Variants in TENM2 observed in about 807,000 individuals in gnomAD.
TENM2 encodes teneurin transmembrane protein 2.
TENM2 carries 52 observed loss-of-function variants against 245.2 expected under a neutral mutation model. The observed-to-expected ratio is 0.21, with a 90% CI of 0.17 to 0.27. The LOEUF (loss-of-function observed/expected upper bound fraction) is 0.27, where lower values mean the gene tolerates loss of function less well. TENM2 is among the 10% of genes least tolerant of loss of function. TENM2 has a pLI of 1.00. For missense variants in TENM2, 3,046 were observed against 3,666.8 expected (o/e 0.83, Z 4.37); for synonymous variants, 1,363 against 1,438.9 (o/e 0.95, Z 1.19).
chr5:167,983,446 T>G (rs1163438522), intron 4 of TENM2, among the ~76,000 whole-genome samples: 1 of 152,194 alleles, frequency 6.6e-6, no homozygotes, highest in Non-Finnish European at 1.5e-5. Flanking sequence ...CTGTGAATAT[T>G]TTTGGTACGG....
At chr5:168,086,633 A>G (rs1466316784) in intron 7 of TENM2, among the ~76,000 whole-genome samples, 2 of 152,186 alleles carry the variant, frequency 1.3e-5, no homozygotes, top group African/African-American at 2.4e-5. Context: ...GGATTTGGTC[A>G]TGTGCCTCCT....
At chr5:167,079,382 C>T in the TENM2 span, among the ~76,000 whole-genome samples, 6 of 150,244 alleles carry the variant, frequency 4.0e-5, no homozygotes, top group African/African-American at 1.5e-4. Flanking sequence ...GGTGTGATCT[C>T]AGCTCACTGC....
At chr5:167,945,319 C>T (rs1779522100) in intron 3 of TENM2, among the ~76,000 whole-genome samples, 1 of 149,056 alleles carries the variant, frequency 6.7e-6, no homozygotes, top group African/African-American at 2.5e-5. Flanking sequence ...AAATCAAGCA[C>T]CCGGGGGGGG....
intron 2 of TENM2, among the ~76,000 whole-genome samples, chr5:167,814,811 AAAAGT>A (rs1366862374): frequency 6.6e-6 from 1 of 152,120 alleles, no homozygotes; most frequent in Non-Finnish European, 1.5e-5. Context: ...GTTGCAGAAA[AAAAGT>A]AAAGGAAAGA....
At chr5:167,100,395 T>C in the TENM2 span, among the ~76,000 whole-genome samples, 1 of 152,102 alleles carries the variant, frequency 6.6e-6, no homozygotes, top group African/African-American at 2.4e-5. Flanking sequence ...CACCCGGCGC[T>C]CACTGGCCGC....
intron 5 of TENM2, among the ~76,000 whole-genome samples, chr5:168,017,720 G>A (rs1785782541): frequency 6.6e-6 from 1 of 152,194 alleles, no homozygotes; most frequent in African/African-American, 2.4e-5. Context: ...TCACCTTCCT[G>A]AGAATAAAGG....
In TENM2 at chr5:168,218,958, G is replaced by C. The variant is rs769404554; in HGVS notation, c.5067G>C (p.Leu1689=). ...CCTATGATGGCAACACTGGGCTCCT[G>C]GCCACCAAGAGCGATGAAACAGGAT... The change falls in exon 23 of 29, where the codon CTG becomes CTC. Residue 1689 remains leucine, a synonymous_variant. Coordinates refer to ENST00000518659, the Ensembl canonical transcript of TENM2. The surrounding 1 kb of genome is among the most constrained non-coding windows in gnomAD (Gnocchi z 5.2). 71 of 1,613,838 alleles carry C rather than the reference G, an allele frequency of 4.4e-5. No homozygotes were observed. Among genetic ancestry groups the C allele is most frequent in the Non-Finnish European group, 6.0e-5 (71 of 1,179,872 alleles).
At chr5:167,439,353 G>A (rs1029921347) in intron 2 of TENM2, among the ~76,000 whole-genome samples, 1 of 152,094 alleles carries the variant, frequency 6.6e-6, no homozygotes. Flanking sequence ...CATGAATGGC[G>A]GGTTGCTTCC....
intron 2 of TENM2, among the ~76,000 whole-genome samples, chr5:167,662,700 G>A (rs1254095299): frequency 6.6e-6 from 1 of 152,094 alleles, no homozygotes; most frequent in Non-Finnish European, 1.5e-5. Flanking sequence ...GTTCACCATT[G>A]TTTCTTGAAT....
the TENM2 span, among the ~76,000 whole-genome samples, chr5:166,987,423 GT>G: frequency 0.074 from 2,951 of 39,930 alleles, 32 homozygotes; most frequent in Non-Finnish European, 0.23. Flanking sequence ...TAGTAAGGGT[GT>G]GTGTGTGTGT....
chr5:167,181,923 G>A, the TENM2 span, among the ~76,000 whole-genome samples: 1 of 152,142 alleles, frequency 6.6e-6, no homozygotes, highest in Non-Finnish European at 1.5e-5. Context: ...TATCCTCTGT[G>A]TCCAGGTACT....
intron 4 of TENM2, among the ~76,000 whole-genome samples, chr5:167,962,620 C>T (rs2151891625): frequency 6.6e-6 from 1 of 152,288 alleles, no homozygotes; most frequent in East Asian, 1.9e-4. Flanking sequence ...AATTGACTGA[C>T]AGTTCAGCAT....
chr5:167,942,751 A>G (rs894351139), intron 3 of TENM2, among the ~76,000 whole-genome samples: 1 of 152,212 alleles, frequency 6.6e-6, no homozygotes, highest in South Asian at 2.1e-4. Context: ...GGTCTTGAGC[A>G]CTGTGAGAGG....
chr5:168,255,980 A>G lies in TENM2; in HGVS notation c.7433-4303A>G, dbSNP rs935620077. Among the ~76,000 whole-genome samples the G allele has an allele frequency of 5.3e-5, 8 of 151,098 alleles. 1 individual carries two copies. Among genetic ancestry groups the G allele is most frequent in the Admixed American group, 5.3e-4 (8 of 15,172 alleles). ...GCCACCATGCCATGCTAATTTTTGT[A>G]TTTTTAGTACAGACACGGTTTCACC... On this transcript the variant is annotated intron_variant, in intron 27 of 28. Coordinates refer to ENST00000518659, the Ensembl canonical transcript of TENM2.
intron 5 of TENM2, among the ~76,000 whole-genome samples, chr5:168,019,820 C>A (rs1013385163): frequency 2.0e-5 from 3 of 152,092 alleles, no homozygotes; most frequent in Non-Finnish European, 2.9e-5. Context: ...TTTTTAATTG[C>A]CACTGAATGA....
chr5:168,166,875 GT>G (rs1309009883), intron 13 of TENM2, among the ~76,000 whole-genome samples: 2 of 152,068 alleles, frequency 1.3e-5, no homozygotes, highest in African/African-American at 4.8e-5. Context: ...CACCAAAACA[GT>G]TTATGCCAAC....
intron 2 of TENM2, among the ~76,000 whole-genome samples, chr5:167,538,255 A>G (rs557757654): frequency 2.6e-5 from 4 of 152,372 alleles, no homozygotes; most frequent in African/African-American, 9.6e-5. Flanking sequence ...GCGATTTCAA[A>G]TAATCGAGAC....
chr5:168,037,711 C>T (rs1190551391), intron 5 of TENM2, among the ~76,000 whole-genome samples: 1 of 152,148 alleles, frequency 6.6e-6, no homozygotes. Flanking sequence ...AATTCTCTGT[C>T]TTTCTTTAAG....
chr5:167,613,070 T>G (rs1777575281), intron 2 of TENM2, among the ~76,000 whole-genome samples: 1 of 152,100 alleles, frequency 6.6e-6, no homozygotes, highest in African/African-American at 2.4e-5. Flanking sequence ...ATTATTCAAA[T>G]TAATAGCAAC....
Sources: gnomAD v4.1 joint callset for allele counts (sites outside exome capture counted in the v4.1 genomes callset) on GRCh38, gnomAD v4.1.1 for gene constraint, Gnocchi (gnomAD v3.1) non-coding constraint, MANE v1.5 for transcripts, NCBI Gene and HGNC (gene_info 2026-07-23, HGNC 2026-07-21) for gene names.